Variants in TRAF2 observed in about 807,000 individuals in gnomAD.
The protein encoded by TRAF2 is TNF receptor-associated factor 2.
Under a neutral mutation model 55.6 loss-of-function variants are expected in TRAF2, and 6 were observed. That is an observed-to-expected ratio of 0.11 (90% CI 0.06 to 0.21). TRAF2 has a LOEUF of 0.21. Among genes scored for constraint, TRAF2 ranks in the 10% least tolerant of loss-of-function variants. The pLI, the probability that TRAF2 is intolerant of heterozygous loss-of-function variation, is 1.00. For missense variants in TRAF2, 561 were observed against 684.5 expected, an observed-to-expected ratio of 0.82 and a Z score of 2.01; for synonymous variants, 329 against 276.3, an observed-to-expected ratio of 1.19 and a Z score of -1.89.
rs771779415 is a variant in TRAF2, at chr9:136,898,738, C to T, written c.-3C>T. On this transcript the variant is annotated 5_prime_UTR_variant, in exon 2 of 11. Coordinates refer to ENST00000247668, the MANE Select transcript of TRAF2 (RefSeq NM_021138.4). ...GGCTTTGTTCGCGGGGGTCACAGCT[C>T]TCATGGCTGCAGCTAGCGTGACCCC... 6.0e-5 allele frequency: 97 copies of T among 1,613,274 alleles called. No homozygotes were observed. In the Admixed American group the frequency reaches 8.3e-4, roughly 14 times the overall value.
intron 4 of TRAF2, among the ~76,000 whole-genome samples, chr9:136,903,530 A>G (rs368649789): frequency 0.017 from 1,882 of 113,756 alleles, 40 homozygotes; most frequent in African/African-American, 0.066. Context: ...GGCTGAATAA[A>G]TATTGATTTT....
intron 9 of TRAF2, among the ~76,000 whole-genome samples, 178 bp downstream of exon 9, chr9:136,921,393 C>T: frequency 6.6e-6 from 1 of 152,120 alleles, no homozygotes; most frequent in East Asian, 1.9e-4. Context: ...TATGGGCTGG[C>T]CGGTGGGTGC....
At chr9:136,921,596 G>A (rs1564421808) in intron 9 of TRAF2, among the ~76,000 whole-genome samples, 1 of 152,164 alleles carries the variant, frequency 6.6e-6, no homozygotes, top group Admixed American at 6.5e-5. Context: ...CTGTGGGGGT[G>A]GGACATGGCT....
rs1456907562 is a variant in TRAF2 at position 136,898,715 on chromosome 9, C to T, written c.-26C>T. 1.2e-6 allele frequency: 2 copies of T among 1,612,576 alleles called. No individual in the cohort carries two copies. The highest frequency in any genetic ancestry group is 2.7e-5 in the African/African-American group (2 of 74,938). On this transcript the variant is annotated splice_region_variant and 5_prime_UTR_variant, in exon 2 of 11. Transcript: ENST00000247668. ...ACGTGCTGTGTGTTCTTCCTTAGGG[C>T]TTTGTTCGCGGGGGTCACAGCTCTC...
At chr9:136,889,730 A>T (rs112106904) in intron 1 of TRAF2, 1 of 152,278 alleles carries the variant, frequency 6.6e-6, no homozygotes, top group Admixed American at 6.5e-5. Context: ...AGTAGCTGGG[A>T]TTACAGGTGC....
At chr9:136,887,303 G>A (rs1430772317) in intron 1 of TRAF2, among the ~76,000 whole-genome samples, 1 of 152,230 alleles carries the variant, frequency 6.6e-6, no homozygotes, top group African/African-American at 2.4e-5. Context: ...AGAATCTGGC[G>A]TGAGCAGCTG....
rs759722354 is a variant in TRAF2, at chr9:136,926,006, CGCGCTTGG to C, written c.*115_*122del. ...TCTCACTGTACAAGTGGGCAGGGGC[CGCGCTTGG>C]GCGCTTGGGAGGGTGTCGGCCTGCA... is the stretch of plus-strand genomic sequence containing the variant. On this transcript the variant is annotated 3_prime_UTR_variant, in exon 11 of 11. Coordinates refer to ENST00000247668, the MANE Select transcript of TRAF2 (RefSeq NM_021138.4). 5.9e-5 allele frequency: 82 copies of C among 1,381,868 alleles called. 1 individual carries two copies. In the Middle Eastern group the frequency reaches 8.9e-4, roughly 15 times the overall value. The allele number at this position is 1,381,868 out of a possible 1,614,324, so 85.6% of individuals were successfully genotyped here. A position where few individuals can be genotyped will look rare whatever the true frequency, so the allele number is the denominator to read the frequency against.
chr9:136,912,151 C>CTTTTT (rs1468376221), intron 6 of TRAF2, among the ~76,000 whole-genome samples: 3 of 115,482 alleles, frequency 2.6e-5, no homozygotes, highest in African/African-American at 7.5e-5. Flanking sequence ...TGCGTCTGGC[C>CTTTTT]CTTTTTTTTT....
chr9:136,903,020 G>C (rs964600354), intron 4 of TRAF2, among the ~76,000 whole-genome samples: 8 of 152,228 alleles, frequency 5.3e-5, no homozygotes, highest in African/African-American at 1.9e-4. Flanking sequence ...AGGCTAGAGT[G>C]CAGTGGCGTG....
chr9:136,910,056 T>TC, intron 6 of TRAF2, 62 bp downstream of exon 6: 1 of 1,487,090 alleles, frequency 6.7e-7, no homozygotes, highest in East Asian at 2.4e-5. Context: ...GACGTGAGGG[T>TC]CCCGTGGGTG....
intron 9 of TRAF2, among the ~76,000 whole-genome samples, chr9:136,921,548 G>C (rs1001484819): frequency 3.3e-5 from 5 of 149,632 alleles, no homozygotes; most frequent in Non-Finnish European, 7.4e-5. Context: ...TCTCCTGCCT[G>C]ATCACAGCTC....
At chr9:136,898,133 A>G (rs1849728566) in intron 1 of TRAF2, among the ~76,000 whole-genome samples, 1 of 150,818 alleles carries the variant, frequency 6.6e-6, no homozygotes, top group Non-Finnish European at 1.5e-5. Flanking sequence ...CGTGGTAGCT[A>G]AAGGGAGTGC....
intron 1 of TRAF2, among the ~76,000 whole-genome samples, chr9:136,888,703 T>G (rs571902950): frequency 6.6e-6 from 1 of 152,342 alleles, no homozygotes; most frequent in Admixed American, 6.5e-5. Flanking sequence ...CTTGTCCTTT[T>G]GAGAGTCACC....
chr9:136,890,166 C>A (rs1451665708), intron 1 of TRAF2, among the ~76,000 whole-genome samples: 5 of 137,314 alleles, frequency 3.6e-5, no homozygotes, highest in Non-Finnish European at 7.8e-5. Flanking sequence ...TGTGAGAGTC[C>A]CCACCGCACG....
At chr9:136,909,275 C>T (rs1396494416) in intron 5 of TRAF2, among the ~76,000 whole-genome samples, 2 of 68,126 alleles carry the variant, frequency 2.9e-5, no homozygotes, top group Non-Finnish European at 6.1e-5. Flanking sequence ...GCTCACATGG[C>T]CTGCAGCCTG....
At chr9:136,910,019 G>C (rs753599494) in intron 6 of TRAF2, 25 bp downstream of exon 6, 34 of 1,609,908 alleles carry the variant, frequency 2.1e-5, no homozygotes, top group Middle Eastern at 1.6e-4. Context: ...CCTCCTTGGA[G>C]GACCGCAGGG....
At chr9:136,922,987 T>C (rs1210199787) in intron 9 of TRAF2, among the ~76,000 whole-genome samples, 2 of 151,464 alleles carry the variant, frequency 1.3e-5, no homozygotes, top group African/African-American at 4.9e-5. Flanking sequence ...GACGGAAGGG[T>C]GGTCCTGGTG....
chr9:136,920,655 T>G, intron 8 of TRAF2, 140 bp downstream of exon 8: 2 of 1,206,610 alleles, frequency 1.7e-6, no homozygotes, highest in Non-Finnish European at 2.2e-6. Flanking sequence ...CAGTCCAGTG[T>G]GGTTTAGGGG....
intron 7 of TRAF2, among the ~76,000 whole-genome samples, chr9:136,917,631 T>G (rs1026298543): frequency 2.0e-5 from 3 of 152,224 alleles, no homozygotes; most frequent in African/African-American, 7.2e-5. Context: ...GCACCTTCCT[T>G]GCTTGAAGAC....
Sources: allele counts gnomAD v4.1 joint callset (sites outside exome capture counted in the v4.1 genomes callset), GRCh38; gene constraint gnomAD v4.1.1; transcripts MANE v1.5; gene names NCBI Gene and HGNC (gene_info 2026-07-23, HGNC 2026-07-21).